The following ITGA11 variants were observed in gnomAD, a reference collection of about 807,000 sequenced individuals.
ITGA11 encodes integrin alpha-11.
A neutral mutation model predicts 141.9 loss-of-function variants in ITGA11; 97 were observed. The ratio of observed to expected loss-of-function variants is 0.68; its 90% CI spans 0.58 to 0.81. ITGA11 has a LOEUF of 0.81. Ranked by LOEUF, ITGA11 falls within the 30% of genes least tolerant of loss-of-function variation. ITGA11 has a pLI of 0.00. For synonymous variants in ITGA11, 658 were observed against 624.6 expected, an observed-to-expected ratio of 1.05 and a Z score of -0.80; for missense variants, 1,387 against 1,559.2, an observed-to-expected ratio of 0.89 and a Z score of 1.86.
intron 1 of ITGA11, among the ~76,000 whole-genome samples, chr15:68,411,954 G>A (rs556671510): frequency 6.6e-6 from 1 of 152,118 alleles, no homozygotes; most frequent in Non-Finnish European, 1.5e-5. Context: ...GCCCAACCTA[G>A]CTGAGGTCAG....
chr15:68,422,249 G>C (rs374474423), intron 1 of ITGA11, among the ~76,000 whole-genome samples: 3 of 152,194 alleles, frequency 2.0e-5, no homozygotes, highest in East Asian at 1.9e-4. Flanking sequence ...CTGCCTGAGG[G>C]CCACCTCCAC....
At chr15:68,410,540 A>C (rs184113226) in intron 1 of ITGA11, among the ~76,000 whole-genome samples, 36 of 152,178 alleles carry the variant, frequency 2.4e-4, no homozygotes, top group Middle Eastern at 3.4e-3. Flanking sequence ...GGGAAAAAAA[A>C]CAACCCATTC....
intron 1 of ITGA11, among the ~76,000 whole-genome samples, chr15:68,416,969 C>A (rs1223003271): frequency 6.6e-6 from 1 of 152,122 alleles, no homozygotes; most frequent in Non-Finnish European, 1.5e-5. Context: ...GTGTATTTTT[C>A]CATCTTACAT....
intron 2 of ITGA11, among the ~76,000 whole-genome samples, chr15:68,388,082 T>C (rs999660774): frequency 5.9e-5 from 9 of 152,134 alleles, no homozygotes; most frequent in African/African-American, 2.2e-4. Context: ...TCAGCTCACC[T>C]GAACTTCCAA....
At chr15:68,403,111 G>T in intron 1 of ITGA11, 82 bp from the exon 2 acceptor site, 2 of 860,142 alleles carry the variant, frequency 2.3e-6, no homozygotes, top group Non-Finnish European at 3.8e-6. Context: ...AGGACCCATT[G>T]GCAGGTCATG....
Position 68,403,040 on chromosome 15 carries a change from G to GGGAGA in ITGA11, c.53-16_53-12dup, listed in dbSNP as rs1896549221. ...AGGTGTCCGTGAACCCTGAGGCAGG[G>GGGAGA]GGAGAGGAGAGGAGAAGCAGGGGAG... is the stretch of plus-strand genomic sequence containing the variant. On this transcript the variant is annotated splice_polypyrimidine_tract_variant and intron_variant, in intron 1 of 29. Coordinates refer to ENST00000315757, the MANE Select transcript of ITGA11 (RefSeq NM_001004439.2). 1 of 1,587,324 alleles carries GGGAGA rather than the reference G, an allele frequency of 6.3e-7. No homozygotes were observed. The highest frequency in any genetic ancestry group is 1.1e-5 in the South Asian group (1 of 89,778).
chr15:68,311,374 G>T lies in ITGA11; in HGVS notation c.3003C>A (p.His1001Gln). 1 of 1,569,760 alleles carries T rather than the reference G, an allele frequency of 6.4e-7. No homozygotes were observed. Residue 1001 changes from histidine to glutamine, a missense_variant, in exon 25 of 30, where the codon CAC (histidine) becomes CAA (glutamine). By Grantham distance (24) the His-to-Gln change is conservative. Transcript: ENST00000315757. ...GAATGGTGATCTTCATCATCATCCC[G>T]TGGATGGGGAACAAGCCCAAGTTCT... ...RIQNLGLFPIHGMMMKITIPI... is the reference protein window; with the variant it reads ...RIQNLGLFPIQGMMMKITIPI...
At chr15:68,417,521 G>C (rs1166609011) in intron 1 of ITGA11, among the ~76,000 whole-genome samples, 1 of 152,024 alleles carries the variant, frequency 6.6e-6, no homozygotes, top group Non-Finnish European at 1.5e-5. Flanking sequence ...TTCAAGCTAT[G>C]CTCTTTGCAG....
At position 68,321,440 on chromosome 15, in the gene ITGA11, G is replaced by A. The variant is rs3736494; in HGVS notation, c.2386C>T (p.Arg796Trp). ...CACATGGCCGTGGGCAGGTCACTCC[G>A]GGCATCCAACACAAGGTCAGGGACA... ...HCVPDLVLDA[R>W]SDLPTAMEYC... The change falls in exon 19 of 30, where the codon CGG (arginine) becomes TGG (tryptophan). Residue 796 changes from arginine (R) to tryptophan (W), a missense_variant. By Grantham distance (101) the Arg-to-Trp change is moderately radical. Coordinates refer to ENST00000315757, the MANE Select transcript of ITGA11 (RefSeq NM_001004439.2). This position sits in a 1 kb window ranked among gnomAD's most constrained non-coding sequence, Gnocchi z 4.9. The A allele has an allele frequency of 2.1e-5, 34 of 1,587,160 alleles. No individual in the cohort carries two copies. Among genetic ancestry groups the A allele is most frequent in the Admixed American group, 5.2e-5 (3 of 57,314 alleles).
intron 1 of ITGA11, among the ~76,000 whole-genome samples, chr15:68,412,339 C>T (rs976951323): frequency 7.2e-5 from 11 of 152,138 alleles, no homozygotes; most frequent in African/African-American, 2.7e-4. Context: ...TGGGCCCGGG[C>T]CTACCCTGTC....
Position 68,350,695 on chromosome 15 carries a change from G to A in ITGA11, c.982C>T (p.His328Tyr). 6.2e-7 allele frequency: 1 copy of A among 1,613,894 alleles called. No individual in the cohort carries two copies. Among genetic ancestry groups the A allele is most frequent in the South Asian group, 1.1e-5 (1 of 91,066 alleles). Reference sequence around the variant, plus strand: ...GCCTCATCAGTGACATTGAAGAAGTGCTTGTCATCAGGGTCACTGGCGATG... The same window carrying A: ...GCCTCATCAGTGACATTGAAGAAGTACTTGTCATCAGGGTCACTGGCGATG... The part of the protein sequence containing the change: ...KYIASDPDDK[H>Y]FFNVTDEAAL... Residue 328 changes from histidine (H) to tyrosine (Y), a missense_variant, in exon 9 of 30, where the codon CAC becomes TAC. His to Tyr is a moderately conservative substitution (Grantham distance 83, BLOSUM62 2). Coordinates refer to ENST00000315757, the MANE Select transcript of ITGA11 (RefSeq NM_001004439.2).
intron 1 of ITGA11, 62 bp from the exon 2 acceptor site, chr15:68,403,091 G>A: frequency 8.7e-7 from 1 of 1,148,762 alleles, no homozygotes; most frequent in Non-Finnish European, 1.3e-6. Context: ...TGTAGGCCCT[G>A]GGCTGTGTCA....
At chr15:68,415,451 G>T (rs1243103124) in intron 1 of ITGA11, among the ~76,000 whole-genome samples, 3 of 152,208 alleles carry the variant, frequency 2.0e-5, no homozygotes, top group Non-Finnish European at 4.4e-5. Context: ...AGCACGGGGG[G>T]CTTCTGTGGA....
In ITGA11 at chr15:68,296,681, T is replaced by C. The variant is rs980326839; in HGVS notation, c.*6378A>G. On this transcript the variant is annotated 3_prime_UTR_variant, in exon 30 of 30. Coordinates refer to ENST00000315757, the MANE Select transcript of ITGA11 (RefSeq NM_001004439.2). ...TGAGGACATTTTCTCTGTCATGTAA[T>C]AGTTGTAGCTTATTTACTTTAAATA... The C allele has an allele frequency of 2.6e-5, 4 of 152,330 alleles. No homozygotes were observed. Among genetic ancestry groups the C allele is most frequent in the East Asian group, 3.9e-4 (2 of 5,184 alleles). The allele number at this position is 152,330 out of a possible 1,614,324, so 9.4% of individuals were successfully genotyped here.
intron 2 of ITGA11, among the ~76,000 whole-genome samples, chr15:68,383,336 G>A (rs967799272): frequency 1.4e-4 from 21 of 151,878 alleles, no homozygotes; most frequent in African/African-American, 5.1e-4. Flanking sequence ...AGGAGTCAGA[G>A]AAAGTTAGAA....
In ITGA11 at chr15:68,304,182, CCTT is replaced by C. The variant is rs1429776616; in HGVS notation, c.3382-300_3382-298del. ...TCCTCCTCCCACCACATGGGCTACT[CCTT>C]CTCCCTTTGCTGCCTCCGCATCGCC... On this transcript the variant is annotated intron_variant, in intron 28 of 29. Transcript: ENST00000315757. This position sits in a 1 kb window ranked among gnomAD's most constrained non-coding sequence, Gnocchi z 6.1. Among the ~76,000 whole-genome samples, 4 of 152,230 alleles carry C rather than the reference CCTT, an allele frequency of 2.6e-5. No homozygotes were observed. The highest frequency in any genetic ancestry group is 1.9e-4 in the East Asian group (1 of 5,184).
At chr15:68,390,915 C>G (rs1205603981) in intron 2 of ITGA11, among the ~76,000 whole-genome samples, 1 of 152,184 alleles carries the variant, frequency 6.6e-6, no homozygotes, top group African/African-American at 2.4e-5. Context: ...GAGGTTCACC[C>G]TGGCACAGAG....
rs542500889 is a variant in ITGA11 at position 68,353,878 on chromosome 15, C to T, written c.750-2476G>A. Reference sequence around the variant, plus strand: ...AGGCCCTCTGAAATCTGGCCCGTTTCCTCTCTTAGCCTCTGGTCCTGCTCA... The same window carrying T: ...AGGCCCTCTGAAATCTGGCCCGTTTTCTCTCTTAGCCTCTGGTCCTGCTCA... On this transcript the variant is annotated intron_variant, in intron 7 of 29. Coordinates refer to ENST00000315757, the MANE Select transcript of ITGA11 (RefSeq NM_001004439.2). Among the ~76,000 whole-genome samples, 27 of 152,202 alleles carry T rather than the reference C, an allele frequency of 1.8e-4. No homozygotes were observed. In the South Asian group the frequency reaches 5.2e-3, roughly 29 times the overall value.
chr15:68,423,367 G>A (rs1183591606), intron 1 of ITGA11, among the ~76,000 whole-genome samples: 1 of 152,130 alleles, frequency 6.6e-6, no homozygotes, highest in Non-Finnish European at 1.5e-5. Flanking sequence ...TGAAGAATAA[G>A]TTGGGGGCAG....
Sources: allele counts gnomAD v4.1 joint callset (sites outside exome capture counted in the v4.1 genomes callset), GRCh38; gene constraint gnomAD v4.1.1; non-coding constraint Gnocchi (gnomAD v3.1); transcripts MANE v1.5; gene names NCBI Gene and HGNC (gene_info 2026-07-23, HGNC 2026-07-21).